Variants in N4BP1 observed in about 807,000 individuals in gnomAD.
N4BP1 encodes the protein NEDD4 binding protein 1, also known as NEDD4-binding protein 1.
In N4BP1, 21 loss-of-function variants were observed where a neutral mutation model predicts 70.9. The observed-to-expected ratio is 0.30, with a 90% CI of 0.21 to 0.43. The LOEUF (loss-of-function observed/expected upper bound fraction) is 0.43, where lower values mean the gene tolerates loss of function less well. Ranked by LOEUF, N4BP1 falls within the 20% of genes least tolerant of loss-of-function variation. The pLI is 1.00. For missense variants in N4BP1, 936 were observed against 1,069.4 expected, an observed-to-expected ratio of 0.88 and a Z score of 1.74; for synonymous variants, 387 against 394.6, an observed-to-expected ratio of 0.98 and a Z score of 0.23.
chr16:48,545,231 C>T (rs1567424961), intron 6 of N4BP1, among the ~76,000 whole-genome samples: 2 of 151,250 alleles, frequency 1.3e-5, no homozygotes, highest in African/African-American at 4.8e-5. Context: ...TCACAAAGTG[C>T]TGGGATTACA....
chr16:48,575,586 A>G (rs759938787), intron 1 of N4BP1, among the ~76,000 whole-genome samples: 1 of 152,168 alleles, frequency 6.6e-6, no homozygotes, highest in Non-Finnish European at 1.5e-5. Context: ...TGCAGGTTTG[A>G]CCTGGGGAAA....
Position 48,567,277 on chromosome 16 carries a change from T to G in N4BP1, c.199-4833A>C, listed in dbSNP as rs141233968. Among the ~76,000 whole-genome samples the G allele has an allele frequency of 2.1e-3, 321 of 152,322 alleles. 1 individual carries two copies. Among genetic ancestry groups the G allele is most frequent in the Non-Finnish European group, 3.9e-3 (265 of 68,026 alleles). ...TGATTCCTGTTCTATCTTGCCTTCT[T>G]TTGCATTATACAAACACTTAGTATA... On this transcript the variant is annotated intron_variant, in intron 1 of 6. Transcript: ENST00000262384.
intron 2 of N4BP1, among the ~76,000 whole-genome samples, chr16:48,555,561 G>A (rs371120004): frequency 5.3e-5 from 8 of 152,202 alleles, no homozygotes; most frequent in South Asian, 2.1e-4. Context: ...ATAAACACAC[G>A]CAATCTTGAT....
intron 1 of N4BP1, among the ~76,000 whole-genome samples, chr16:48,606,584 C>T (rs780424847): frequency 4.6e-5 from 7 of 152,166 alleles, no homozygotes; most frequent in African/African-American, 7.2e-5. Flanking sequence ...ACAAATCTTC[C>T]CTTTAACAAA....
chr16:48,571,352 C>G (rs1329370465), intron 1 of N4BP1, among the ~76,000 whole-genome samples: 3 of 152,188 alleles, frequency 2.0e-5, no homozygotes, highest in Admixed American at 1.3e-4. Context: ...GGGGCTATTG[C>G]TATATCTGAC....
Position 48,597,077 on chromosome 16 carries a change from C to A in N4BP1, c.198+12698G>T, listed in dbSNP as rs188625217. Reference sequence around the variant, plus strand: ...CAACCTGACCAATCAGCACTCCCCACTTCCCAAGCCCCTACCTGCCAAATT... The same window carrying A: ...CAACCTGACCAATCAGCACTCCCCAATTCCCAAGCCCCTACCTGCCAAATT... On this transcript the variant is annotated intron_variant, in intron 1 of 6. Transcript: ENST00000262384. 2.0e-5 allele frequency among the ~76,000 whole-genome samples: 3 copies of A among 152,344 alleles called. No homozygotes were observed. In the East Asian group the frequency reaches 5.8e-4, roughly 29 times the overall value.
intron 1 of N4BP1, among the ~76,000 whole-genome samples, chr16:48,601,204 C>T (rs888781137): frequency 2.6e-5 from 4 of 152,152 alleles, no homozygotes; most frequent in East Asian, 1.9e-4. Context: ...GATAGGCAGT[C>T]GTGGATGTTG....
At chr16:48,563,203 AAAT>A (rs1250665474) in intron 1 of N4BP1, among the ~76,000 whole-genome samples, 1 of 151,962 alleles carries the variant, frequency 6.6e-6, no homozygotes, top group African/African-American at 2.4e-5. Flanking sequence ...TTTCTACAAA[AAAT>A]AAGCTGGGAA....
chr16:48,556,048 A>C (rs1424647245), intron 2 of N4BP1, among the ~76,000 whole-genome samples: 1 of 152,150 alleles, frequency 6.6e-6, no homozygotes, highest in Non-Finnish European at 1.5e-5. Context: ...CAGACCGATG[A>C]ATTCTGCTGC....
At chr16:48,567,489 T>C (rs1466967166) in intron 1 of N4BP1, among the ~76,000 whole-genome samples, 1 of 152,038 alleles carries the variant, frequency 6.6e-6, no homozygotes, top group East Asian at 1.9e-4. Flanking sequence ...GGTTAATTTT[T>C]TGTATTTTTA....
rs1269544715 is a variant in N4BP1, at chr16:48,546,235, C to T, written c.2245G>A (p.Val749Met). 1.9e-6 allele frequency: 3 copies of T among 1,611,162 alleles called. No homozygotes were observed. Among genetic ancestry groups the T allele is most frequent in the Non-Finnish European group, 2.5e-6 (3 of 1,178,802 alleles). Reference sequence around the variant, plus strand: ...TCGGGAACCATAAATATGTCCCCCACGAACGTGTACTGCAGCAGCCTACAA... The same window carrying T: ...TCGGGAACCATAAATATGTCCCCCATGAACGTGTACTGCAGCAGCCTACAA... ...ITKRLLQYTFVGDIFMVPDDP... is the reference protein window; with the variant it reads ...ITKRLLQYTFMGDIFMVPDDP... Residue 749 changes from valine (V) to methionine (M), a missense_variant, in exon 6 of 7, where the codon GTG (valine) becomes ATG (methionine). This residue lies in a region of N4BP1 where 229 missense variants were observed against 343.5 expected (regional missense o/e 0.67). Coordinates refer to ENST00000262384, the MANE Select transcript of N4BP1 (RefSeq NM_153029.4).
Position 48,597,395 on chromosome 16 carries a change from T to G in N4BP1, c.198+12380A>C, listed in dbSNP as rs113077678. Among the ~76,000 whole-genome samples, 356 of 152,336 alleles carry G rather than the reference T, an allele frequency of 2.3e-3. 2 individuals carry two copies. Among genetic ancestry groups the G allele is most frequent in the African/African-American group, 8.3e-3 (343 of 41,574 alleles). On this transcript the variant is annotated intron_variant, in intron 1 of 6. Transcript: ENST00000262384. The stretch of plus-strand genomic sequence containing the variant: ...AAAGATAGTTATAATTAAGTATTAA[T>G]GAAGCTGAACTTAGACCTACTTCCT...
At chr16:48,578,903 A>G (rs1964137200) in intron 1 of N4BP1, among the ~76,000 whole-genome samples, 1 of 152,202 alleles carries the variant, frequency 6.6e-6, no homozygotes, top group South Asian at 2.1e-4. Flanking sequence ...TCACAGCTCT[A>G]TTAGATTGTA....
intron 1 of N4BP1, among the ~76,000 whole-genome samples, chr16:48,563,401 A>G (rs753278110): frequency 2.6e-5 from 4 of 151,518 alleles, no homozygotes; most frequent in Non-Finnish European, 5.9e-5. Context: ...ATGATTGTAT[A>G]TATATATATA....
chr16:48,555,263 G>A (rs1411952192), intron 2 of N4BP1, among the ~76,000 whole-genome samples: 1 of 152,192 alleles, frequency 6.6e-6, no homozygotes, highest in African/African-American at 2.4e-5. Context: ...AGAAAAAGGA[G>A]TCACTAGGGA....
rs146081597 is a variant in N4BP1 at position 48,566,895 on chromosome 16, A to G, written c.199-4451T>C. 2.5e-4 allele frequency among the ~76,000 whole-genome samples: 38 copies of G among 152,338 alleles called. No homozygotes were observed. In the East Asian group the frequency reaches 7.1e-3, roughly 29 times the overall value. On this transcript the variant is annotated intron_variant, in intron 1 of 6. Coordinates refer to ENST00000262384, the MANE Select transcript of N4BP1 (RefSeq NM_153029.4). ...CATATTTTGCAGCTCTACTGATAGG[A>G]ATATAAAGATTTAGCACTGTTACAT...
chr16:48,546,003 C>T (rs942574800), intron 6 of N4BP1, 144 bp downstream of exon 6: 5 of 513,656 alleles, frequency 9.7e-6, no homozygotes, highest in African/African-American at 6.1e-5. Context: ...ATTCCAGCCT[C>T]GGTGACAGAG....
chr16:48,596,721 T>A (rs1567445176), intron 1 of N4BP1, among the ~76,000 whole-genome samples: 1 of 152,216 alleles, frequency 6.6e-6, no homozygotes, highest in East Asian at 1.9e-4. Context: ...GGTTTGACTC[T>A]GAAACAAAAC....
chr16:48,567,890 C>T (rs941456759), intron 1 of N4BP1, among the ~76,000 whole-genome samples: 2 of 152,090 alleles, frequency 1.3e-5, no homozygotes, highest in African/African-American at 4.8e-5. Context: ...GTGTAGACTG[C>T]TTGACCCAAT....
Sources: allele counts gnomAD v4.1 joint callset (sites outside exome capture counted in the v4.1 genomes callset), GRCh38; gene constraint gnomAD v4.1.1; regional missense constraint gnomAD v4.1.1; transcripts MANE v1.5; gene names NCBI Gene and HGNC (gene_info 2026-07-23, HGNC 2026-07-21).